PANK2: variants seen among roughly 807,000 people sequenced by gnomAD.
PANK2 encodes the protein pantothenate kinase 2, mitochondrial.
PANK2 carries 36 observed loss-of-function variants against 43.1 expected under a neutral mutation model. The ratio of observed to expected loss-of-function variants is 0.84; its 90% CI spans 0.64 to 1.10. The LOEUF (loss-of-function observed/expected upper bound fraction) is 1.10, where lower values mean the gene tolerates loss of function less well. Among genes scored for constraint, PANK2 ranks in the 50% least tolerant of loss-of-function variants. The pLI is 0.00. For missense variants in PANK2, 576 were observed against 593.3 expected, an observed-to-expected ratio of 0.97 and a Z score of 0.30; for synonymous variants, 281 against 238.2, an observed-to-expected ratio of 1.18 and a Z score of -1.66.
chr20:3,900,074 T>G (rs767847969), intron 1 of PANK2, among the ~76,000 whole-genome samples: 12 of 151,858 alleles, frequency 7.9e-5, no homozygotes, highest in East Asian at 3.8e-4. Context: ...TTTGTTTGTG[T>G]TGTTTGGTCT....
Position 3,925,941 on chromosome 20 carries a change from A to G in PANK2, c.*2647A>G, listed in dbSNP as rs1055191106. 2 of 152,306 alleles carry G rather than the reference A, an allele frequency of 1.3e-5. No homozygotes were observed. Among genetic ancestry groups the G allele is most frequent in the African/African-American group, 2.4e-5 (1 of 41,442 alleles). 9.4% of individuals were successfully genotyped at this position (152,306 alleles called of 1,614,324 possible). A position where few individuals can be genotyped will look rare whatever the true frequency, so the allele number is the denominator to read the frequency against. On this transcript the variant is annotated 3_prime_UTR_variant, in exon 7 of 7. Transcript: ENST00000610179. ...GTTACCATTGCCACTTCCCTGTCTT[A>G]GCAGCTGTCCCTTTCAGTCTGCCCT... is the stretch of plus-strand genomic sequence containing the variant.
chr20:3,914,078 T>C (rs148609020), intron 4 of PANK2, among the ~76,000 whole-genome samples: 4,684 of 151,736 alleles, frequency 0.031, 116 homozygotes, highest in South Asian at 0.043. Flanking sequence ...CGTGAGCCAC[T>C]GCGCCTGGCC....
chr20:3,912,657 A>G (rs754935325), intron 4 of PANK2, 23 bp downstream of exon 4: 2 of 1,612,722 alleles, frequency 1.2e-6, no homozygotes, highest in Admixed American at 3.3e-5. Context: ...GTGTGTTCTA[A>G]GAAATACAGG....
intron 6 of PANK2, among the ~76,000 whole-genome samples, chr20:3,922,315 C>T (rs1209797369): frequency 1.3e-5 from 2 of 152,136 alleles, no homozygotes; most frequent in East Asian, 1.9e-4. Context: ...GGGGTTTGCC[C>T]CGTTTTCTCT....
At chr20:3,889,130 C>T (rs541722188), upstream of PANK2, 44 of 1,557,660 alleles carry the variant, frequency 2.8e-5, 1 homozygote, top group Middle Eastern at 1.7e-4. Flanking sequence ...TCCACCCACG[C>T]GTCCATTGGG....
Position 3,916,954 on chromosome 20 carries a change from G to A in PANK2, c.1110G>A (p.Lys370=), listed in dbSNP as rs756508951. The change falls in exon 5 of 7, where the codon AAG becomes AAA. Residue 370 remains lysine, a synonymous_variant. Transcript: ENST00000610179. ...TTGGAAACATGATGAGCAAGGAGAA[G>A]CGAGAGGCTGTCAGTAAAGAGGACC... is the stretch of plus-strand genomic sequence containing the variant. 12 of 1,614,102 alleles carry A rather than the reference G, an allele frequency of 7.4e-6. No individual in the cohort carries two copies. The highest frequency in any genetic ancestry group is 1.0e-5 in the Non-Finnish European group (12 of 1,180,016).
At chr20:3,892,851 C>T (rs1025300926) in intron 1 of PANK2, among the ~76,000 whole-genome samples, 1 of 152,166 alleles carries the variant, frequency 6.6e-6, no homozygotes, top group South Asian at 2.1e-4. Flanking sequence ...GTTCCCAAAC[C>T]GGCCCTTGTC....
At chr20:3,897,148 G>A (rs1600501887) in intron 1 of PANK2, among the ~76,000 whole-genome samples, 1 of 152,186 alleles carries the variant, frequency 6.6e-6, no homozygotes, top group East Asian at 1.9e-4. Flanking sequence ...CTTCTGTGTT[G>A]ATCGTTGCTG....
chr20:3,890,006 C>T (rs2090093609), intron 1 of PANK2: 3 of 1,235,000 alleles, frequency 2.4e-6, no homozygotes, highest in Non-Finnish European at 3.3e-6. Flanking sequence ...GCTCCTTGGG[C>T]ATTCTCTTCC....
chr20:3,919,306 G>A (rs6116102), intron 6 of PANK2, among the ~76,000 whole-genome samples: 2 of 137,578 alleles, frequency 1.5e-5, no homozygotes, highest in Admixed American at 1.4e-4. Context: ...GTAAGCTTAA[G>A]GAATTTTAGA....
chr20:3,912,658 G>A (rs367645702), intron 4 of PANK2, 24 bp downstream of exon 4: 1 of 1,612,236 alleles, frequency 6.2e-7, no homozygotes, highest in African/African-American at 1.3e-5. Flanking sequence ...TGTGTTCTAA[G>A]AAATACAGGC....
chr20:3,923,077 C>T (rs998505593), intron 6 of PANK2, among the ~76,000 whole-genome samples, 167 bp from the exon 7 acceptor site: 4 of 152,186 alleles, frequency 2.6e-5, no homozygotes, highest in Non-Finnish European at 5.9e-5. Flanking sequence ...GACAGGGACT[C>T]CTTAGGGCGT....
intron 5 of PANK2, 65 bp from the exon 6 acceptor site, chr20:3,918,606 G>A: frequency 6.2e-7 from 1 of 1,603,504 alleles, no homozygotes; most frequent in South Asian, 1.1e-5. Context: ...GCTGTATTTG[G>A]GGTAGCTTTT....
intron 3 of PANK2, among the ~76,000 whole-genome samples, chr20:3,911,752 G>A (rs541431617): frequency 2.0e-5 from 3 of 152,240 alleles, no homozygotes; most frequent in Non-Finnish European, 4.4e-5. Context: ...TTAGCCGGGC[G>A]TGGTGGCACA....
chr20:3,891,533 T>C (rs1026546428), intron 1 of PANK2: 1 of 152,232 alleles, frequency 6.6e-6, no homozygotes, highest in Non-Finnish European at 1.5e-5. Context: ...GCTTTTGCGG[T>C]GGACCACTGT....
chr20:3,921,151 T>G (rs562270484), intron 6 of PANK2: 2 of 152,146 alleles, frequency 1.3e-5, no homozygotes, highest in Non-Finnish European at 2.9e-5. Context: ...GCTGCACCCA[T>G]TAACTCGTCA....
intron 1 of PANK2, among the ~76,000 whole-genome samples, chr20:3,890,818 C>T (rs2090111181): frequency 6.6e-6 from 1 of 152,146 alleles, no homozygotes; most frequent in African/African-American, 2.4e-5. Context: ...GTTTTCAGTT[C>T]TTTTGTCTTT....
chr20:3,889,606 G>C lies in PANK2; in HGVS notation c.176G>C (p.Ser59Thr), dbSNP rs776996392. The C allele has an allele frequency of 4.7e-5, 72 of 1,527,250 alleles. No individual in the cohort carries two copies. The African/African-American group carries it at 9.5e-4, about 20-fold the overall frequency. 94.6% of individuals were successfully genotyped at this position (1,527,250 alleles called of 1,614,324 possible). Reference sequence around the variant, plus strand: ...GAGCCACTGCGGCGCCGGGCGAGCAGCGCGTCGGTGCCCGCGGTCGGGGCC... The same window carrying C: ...GAGCCACTGCGGCGCCGGGCGAGCACCGCGTCGGTGCCCGCGGTCGGGGCC... The change falls in exon 1 of 7, where the codon AGC (serine) becomes ACC (threonine). Residue 59 changes from serine (S) to threonine (T), a missense_variant. Physicochemically the swap from Ser to Thr is moderately conservative, Grantham distance 58. Coordinates refer to ENST00000610179, the MANE Select transcript of PANK2 (RefSeq NM_001386393.1).
At chr20:3,894,834 C>T (rs1367243656) in intron 1 of PANK2, among the ~76,000 whole-genome samples, 2 of 152,118 alleles carry the variant, frequency 1.3e-5, no homozygotes, top group African/African-American at 4.8e-5. Context: ...GACTAAAAAT[C>T]GTCCCCTTAT....
Sources: allele counts gnomAD v4.1 joint callset (sites outside exome capture counted in the v4.1 genomes callset), GRCh38; gene constraint gnomAD v4.1.1; transcripts MANE v1.5; gene names NCBI Gene and HGNC (gene_info 2026-07-23, HGNC 2026-07-21).